SMG7: variants seen among roughly 807,000 people sequenced by gnomAD.
SMG7 encodes SMG7 nonsense mediated mRNA decay factor.
Under a neutral mutation model 148.2 loss-of-function variants are expected in SMG7, and 34 were observed. That is an observed-to-expected ratio of 0.23 (90% confidence interval 0.17 to 0.31). The LOEUF is 0.31. Among genes scored for constraint, SMG7 ranks in the 10% least tolerant of loss-of-function variants. The pLI, the probability that SMG7 is intolerant of heterozygous loss-of-function variation, is 1.00. For synonymous variants in SMG7, 492 were observed against 515.1 expected (o/e 0.96, Z 0.61); for missense variants, 1,114 against 1,408.4 (o/e 0.79, Z 3.35).
intron 13 of SMG7, among the ~76,000 whole-genome samples, chr1:183,541,864 C>T (rs1668930995): frequency 6.6e-6 from 1 of 152,058 alleles, no homozygotes; most frequent in African/African-American, 2.4e-5. Context: ...TTGAAAGAGC[C>T]AGAGGGATAG....
At chr1:183,501,355 C>T (rs1281343580) in intron 1 of SMG7, 1 of 152,146 alleles carries the variant, frequency 6.6e-6, no homozygotes, top group Non-Finnish European at 1.5e-5. Context: ...TAGTAAGTGG[C>T]AGAGCTTGGT....
At chr1:183,477,485 C>CATATGTGTATATATATGCATATATACAT (rs1557935151) in intron 1 of SMG7, among the ~76,000 whole-genome samples, 1 of 125,150 alleles carries the variant, frequency 8.0e-6, no homozygotes, top group African/African-American at 2.7e-5. Flanking sequence ...CATATATACA[C>CATATGTGTATATATATGCATATATACAT]GTGTGTGCAT....
intron 17 of SMG7, 32 bp from the exon 18 acceptor site, chr1:183,547,071 T>C (rs1670055792): frequency 6.5e-7 from 1 of 1,540,152 alleles, no homozygotes; most frequent in Non-Finnish European, 8.8e-7. Context: ...TTATCCCTTA[T>C]TGCTTCTCAC....
intron 1 of SMG7, among the ~76,000 whole-genome samples, chr1:183,505,518 A>G (rs903565294): frequency 1.3e-5 from 2 of 152,150 alleles, no homozygotes; most frequent in African/African-American, 4.8e-5. Flanking sequence ...GGGCAGTTAC[A>G]TTTACTCTCA....
chr1:183,502,526 A>T (rs763549968), intron 1 of SMG7: 25 of 605,066 alleles, frequency 4.1e-5, no homozygotes, highest in Non-Finnish European at 5.9e-5. Flanking sequence ...GGGATGGGGC[A>T]TGCTAAAGTT....
In SMG7 at chr1:183,533,393, T is replaced by G. The variant is rs1277540740; in HGVS notation, c.1006+67T>G. 2.0e-6 allele frequency: 3 copies of G among 1,484,912 alleles called. No homozygotes were observed. The African/African-American group carries it at 4.2e-5, about 21-fold the overall frequency. The allele number at this position is 1,484,912 out of a possible 1,614,324, so 92.0% of individuals were successfully genotyped here. A position where few individuals can be genotyped will look rare whatever the true frequency, so the allele number is the denominator to read the frequency against. On this transcript the variant is annotated intron_variant, in intron 9 of 22. Transcript: ENST00000688051. ...AACATCATCTTAGGCATTTCATCGA[T>G]GTAGCAAAGCACAGTGACATAAAAA...
intron 1 of SMG7, among the ~76,000 whole-genome samples, chr1:183,484,198 C>T (rs1485176448): frequency 6.6e-6 from 1 of 151,900 alleles, no homozygotes; most frequent in Non-Finnish European, 1.5e-5. Context: ...TGTAGGTGCT[C>T]CTTTATATAA....
intron 1 of SMG7, among the ~76,000 whole-genome samples, chr1:183,498,328 A>G (rs1448653499): frequency 6.6e-6 from 1 of 152,124 alleles, no homozygotes; most frequent in Admixed American, 6.5e-5. Context: ...TAGGAGTTCA[A>G]GATCAGCCTG....
rs1292087655 is a variant in SMG7, at chr1:183,542,521, A to G, written c.1842+19A>G. ...AGTGCAGGTAAGCTGTATTTGAACT[A>G]TAAAGCAGGTAGAGGAAGGCTCACA... On this transcript the variant is annotated intron_variant, in intron 14 of 22. Coordinates refer to ENST00000688051, the MANE Select transcript of SMG7 (RefSeq NM_001375584.1). 6 of 1,590,894 alleles carry G rather than the reference A, an allele frequency of 3.8e-6. No homozygotes were observed. The highest frequency in any genetic ancestry group is 2.2e-5 in the East Asian group (1 of 44,618).
Position 183,545,291 on chromosome 1 carries a change from T to C in SMG7, c.2349T>C (p.Pro783=), listed in dbSNP as rs1669726629. The C allele has an allele frequency of 6.2e-7, 1 of 1,610,588 alleles. No homozygotes were observed. Among genetic ancestry groups the C allele is most frequent in the Admixed American group, 1.7e-5 (1 of 59,996 alleles). ...KAVPALGKSP[P]HHSGFQQYQQ... ...TGCCGGCTTTGGGGAAAAGCCCGCC[T>C]CACCACTCTGGATTCCAGCAGGTAA... Residue 783 remains proline (P), a synonymous_variant, in exon 16 of 23, where the codon CCT becomes CCC. Coordinates refer to ENST00000688051, the MANE Select transcript of SMG7 (RefSeq NM_001375584.1).
At chr1:183,514,216 CA>C (rs36125833) in intron 2 of SMG7, among the ~76,000 whole-genome samples, 30,118 of 99,144 alleles carry the variant, frequency 0.3, 3,404 homozygotes, top group African/African-American at 0.46. Flanking sequence ...GTGAAATTCA[CA>C]AAAAAAAAAA....
intron 4 of SMG7, among the ~76,000 whole-genome samples, chr1:183,522,625 A>G (rs1664996967): frequency 6.6e-6 from 1 of 152,154 alleles, no homozygotes; most frequent in African/African-American, 2.4e-5. Flanking sequence ...ATTATATAAG[A>G]TGATGGTTCA....
intron 1 of SMG7, among the ~76,000 whole-genome samples, chr1:183,491,491 G>A (rs1459565430): frequency 6.6e-6 from 1 of 151,830 alleles, no homozygotes; most frequent in Non-Finnish European, 1.5e-5. Flanking sequence ...GTGTGCATGT[G>A]CATGTATAGA....
intron 1 of SMG7, among the ~76,000 whole-genome samples, chr1:183,491,584 G>T (rs1454382696): frequency 1.3e-5 from 2 of 152,028 alleles, no homozygotes; most frequent in Non-Finnish European, 2.9e-5. Flanking sequence ...CTAGTCTGTG[G>T]CTTGTCTTTT....
chr1:183,545,337 C>T (rs760274872), intron 16 of SMG7, 25 bp downstream of exon 16: 4 of 1,589,218 alleles, frequency 2.5e-6, no homozygotes, highest in Admixed American at 1.7e-5. Context: ...TGTGTACTAT[C>T]CAGCTGAATG....
intron 20 of SMG7, chr1:183,550,187 T>C: frequency 2.9e-6 from 1 of 341,022 alleles, no homozygotes; most frequent in Non-Finnish European, 5.3e-6. Context: ...ATCTTATGGT[T>C]CTCAGCTGCT....
chr1:183,500,670 A>C (rs1307053724), intron 1 of SMG7, among the ~76,000 whole-genome samples: 1 of 152,166 alleles, frequency 6.6e-6, no homozygotes, highest in East Asian at 1.9e-4. Context: ...TACTCAGCCA[A>C]ACTAAGACCT....
intron 8 of SMG7, among the ~76,000 whole-genome samples, chr1:183,531,662 A>G (rs1666891384): frequency 6.6e-6 from 1 of 152,180 alleles, no homozygotes; most frequent in Non-Finnish European, 1.5e-5. Flanking sequence ...CATATTCATT[A>G]ATACTTCTGT....
At chr1:183,484,150 T>TG (rs1236919258) in intron 1 of SMG7, among the ~76,000 whole-genome samples, 5 of 152,018 alleles carry the variant, frequency 3.3e-5, no homozygotes, top group Admixed American at 2.0e-4. Context: ...TCCATAGCCG[T>TG]GGGAGATTGG....
Sources: gnomAD v4.1 joint callset for allele counts (sites outside exome capture counted in the v4.1 genomes callset) on GRCh38, gnomAD v4.1.1 for gene constraint, MANE v1.5 for transcripts, NCBI Gene and HGNC (gene_info 2026-07-23, HGNC 2026-07-21) for gene names.